Variants in REDIC1 observed in about 807,000 individuals in gnomAD.
REDIC1 encodes regulator of DNA class I crossover intermediates 1.
the REDIC1 span, among the ~76,000 whole-genome samples, chr12:39,793,344 A>C: frequency 6.6e-6 from 1 of 152,288 alleles, no homozygotes; most frequent in South Asian, 2.1e-4. Flanking sequence ...GACTAAATAA[A>C]TGCAGAGATG....
the REDIC1 span, among the ~76,000 whole-genome samples, chr12:39,772,594 T>C: frequency 8.7e-5 from 13 of 149,634 alleles, no homozygotes; most frequent in Admixed American, 8.0e-4. Context: ...TTTAAGAAAA[T>C]AGGAAAGGAA....
the REDIC1 span, among the ~76,000 whole-genome samples, chr12:39,722,202 A>G: frequency 1.3e-5 from 2 of 152,048 alleles, no homozygotes; most frequent in African/African-American, 4.8e-5. Flanking sequence ...TGTGTTGCAG[A>G]GGTGATTTGG....
the REDIC1 span, among the ~76,000 whole-genome samples, chr12:39,835,230 T>C: frequency 6.6e-6 from 1 of 152,072 alleles, no homozygotes; most frequent in African/African-American, 2.4e-5. Flanking sequence ...TTCAAAGTTT[T>C]CTATCTCAAG....
chr12:39,710,245 A>G, the REDIC1 span, among the ~76,000 whole-genome samples: 1 of 151,870 alleles, frequency 6.6e-6, no homozygotes, highest in African/African-American at 2.4e-5. Flanking sequence ...GTTTTCCTGT[A>G]GAGAGATAAT....
chr12:39,708,754 C>T, the REDIC1 span, among the ~76,000 whole-genome samples: 1 of 151,836 alleles, frequency 6.6e-6, no homozygotes, highest in South Asian at 2.1e-4. Flanking sequence ...TGTGCCAATA[C>T]CATACCGCTT....
chr12:39,687,623 C>T, the REDIC1 span, among the ~76,000 whole-genome samples: 2 of 152,196 alleles, frequency 1.3e-5, no homozygotes, highest in East Asian at 3.8e-4. Flanking sequence ...CACCAGGCCC[C>T]ATCTCCAACA....
At chr12:39,692,272 A>G in the REDIC1 span, 1 of 644,264 alleles carries the variant, frequency 1.6e-6, no homozygotes, top group Non-Finnish European at 2.4e-6. Context: ...AATTACTTTT[A>G]TATTTTATTA....
At chr12:39,860,299 T>C in the REDIC1 span, among the ~76,000 whole-genome samples, 1 of 152,322 alleles carries the variant, frequency 6.6e-6, no homozygotes, top group South Asian at 2.1e-4. Flanking sequence ...TAGCTTATGA[T>C]TCTATGCTGG....
At chr12:39,685,560 C>T in the REDIC1 span, among the ~76,000 whole-genome samples, 1 of 152,102 alleles carries the variant, frequency 6.6e-6, no homozygotes, top group Non-Finnish European at 1.5e-5. Context: ...CCCACCAAGC[C>T]CCACCTCCAA....
At chr12:39,711,606 T>C in the REDIC1 span, among the ~76,000 whole-genome samples, 2 of 116,750 alleles carry the variant, frequency 1.7e-5, no homozygotes, top group Non-Finnish European at 3.8e-5. Context: ...TGTATACACA[T>C]GCATGTGTAT....
chr12:39,731,417 G>T, the REDIC1 span, among the ~76,000 whole-genome samples: 1 of 152,182 alleles, frequency 6.6e-6, no homozygotes, highest in Admixed American at 6.5e-5. Context: ...CTCTGCTGCA[G>T]GTCTGCTGGA....
chr12:39,752,629 G>A, the REDIC1 span, among the ~76,000 whole-genome samples: 1 of 152,242 alleles, frequency 6.6e-6, no homozygotes, highest in East Asian at 1.9e-4. Flanking sequence ...CAGAGTCAAA[G>A]CAGGCTCTGA....
At chr12:39,783,387 G>A in the REDIC1 span, among the ~76,000 whole-genome samples, 1 of 152,304 alleles carries the variant, frequency 6.6e-6, no homozygotes, top group South Asian at 2.1e-4. Context: ...TATATACCCA[G>A]CAATGGGATG....
chr12:39,702,982 G>C, the REDIC1 span, among the ~76,000 whole-genome samples: 1 of 152,166 alleles, frequency 6.6e-6, no homozygotes, highest in Non-Finnish European at 1.5e-5. Flanking sequence ...GTATCATACT[G>C]AATGGGCAAA....
At chr12:39,866,266 A>C in the REDIC1 span, among the ~76,000 whole-genome samples, 11 of 152,202 alleles carry the variant, frequency 7.2e-5, no homozygotes, top group Non-Finnish European at 1.5e-4. Context: ...TGTTTAAGAC[A>C]TAGTAGGTGT....
At chr12:39,714,126 T>C in the REDIC1 span, among the ~76,000 whole-genome samples, 5 of 150,826 alleles carry the variant, frequency 3.3e-5, no homozygotes, top group East Asian at 7.8e-4. Context: ...TGTATATGTA[T>C]ATATGTACAT....
At chr12:39,743,026 C>T in the REDIC1 span, among the ~76,000 whole-genome samples, 1 of 151,840 alleles carries the variant, frequency 6.6e-6, no homozygotes, top group Non-Finnish European at 1.5e-5. Flanking sequence ...CACACTTTCA[C>T]ACGTTCTATA....
chr12:39,893,301 CTCTTT>C, the REDIC1 span, among the ~76,000 whole-genome samples: 6 of 152,080 alleles, frequency 3.9e-5, no homozygotes, highest in African/African-American at 1.2e-4. Flanking sequence ...AGTTTTATAG[CTCTTT>C]TCTTTTCTTT....
the REDIC1 span, among the ~76,000 whole-genome samples, chr12:39,793,804 C>G: frequency 7.0e-3 from 1,065 of 152,158 alleles, 17 homozygotes; most frequent in African/African-American, 0.024. Flanking sequence ...GGTCATTAAT[C>G]TAAGCAGTGA....
Sources: allele counts gnomAD v4.1 joint callset (sites outside exome capture counted in the v4.1 genomes callset), GRCh38; gene constraint gnomAD v4.1.1; transcripts MANE v1.5; gene names NCBI Gene and HGNC (gene_info 2026-07-23, HGNC 2026-07-21).